The following IFT81 variants were observed in gnomAD, a reference collection of about 807,000 sequenced individuals.
IFT81 encodes intraflagellar transport protein 81 homolog.
In IFT81, 72 loss-of-function variants were observed where a neutral mutation model predicts 102.6. The ratio of observed to expected loss-of-function variants is 0.70; its 90% confidence interval spans 0.58 to 0.85. IFT81 has a LOEUF of 0.85. Among genes scored for constraint, IFT81 ranks in the 40% least tolerant of loss-of-function variants. The pLI is 0.00. For missense variants in IFT81, 723 were observed against 787.3 expected (o/e 0.92, Z 0.98); for synonymous variants, 237 against 242.7 (o/e 0.98, Z 0.22).
intron 11 of IFT81, chr12:110,168,011 C>G (rs1195661946): frequency 5.9e-6 from 1 of 168,650 alleles, no homozygotes; most frequent in Admixed American, 6.4e-5. Flanking sequence ...GCCACCATGC[C>G]CAGCTAATTT....
chr12:110,215,853 G>C (rs184591329), intron 18 of IFT81, among the ~76,000 whole-genome samples: 1 of 151,944 alleles, frequency 6.6e-6, no homozygotes, highest in Non-Finnish European at 1.5e-5. Context: ...GAGTCAATGA[G>C]TAAAACAGTT....
chr12:110,201,375 C>T (rs1172630141), intron 14 of IFT81, among the ~76,000 whole-genome samples: 1 of 150,370 alleles, frequency 6.7e-6, no homozygotes, highest in African/African-American at 2.4e-5. Context: ...GCATTTCAGC[C>T]TGGGCGACAA....
intron 8 of IFT81, among the ~76,000 whole-genome samples, chr12:110,140,899 A>G (rs1490152295): frequency 6.7e-6 from 1 of 149,410 alleles, no homozygotes; most frequent in Non-Finnish European, 1.5e-5. Flanking sequence ...AATTTTGTAT[A>G]TTTTTTTAGT....
chr12:110,166,778 A>G (rs973584071), intron 11 of IFT81, among the ~76,000 whole-genome samples: 1 of 151,182 alleles, frequency 6.6e-6, no homozygotes, highest in African/African-American at 2.4e-5. Flanking sequence ...TTTAGGAATC[A>G]TATTTGACTC....
intron 14 of IFT81, among the ~76,000 whole-genome samples, chr12:110,192,936 A>C (rs1418243581): frequency 6.6e-6 from 1 of 152,152 alleles, no homozygotes; most frequent in Non-Finnish European, 1.5e-5. Flanking sequence ...TTGAGACAGG[A>C]GGATGATCAC....
chr12:110,165,637 T>A (rs1341045649), intron 11 of IFT81, among the ~76,000 whole-genome samples: 1 of 152,224 alleles, frequency 6.6e-6, no homozygotes, highest in African/African-American at 2.4e-5. Flanking sequence ...ACTTTTTTAC[T>A]TCTTGTAAAA....
chr12:110,160,298 A>G (rs1896069596), intron 10 of IFT81, among the ~76,000 whole-genome samples: 1 of 152,196 alleles, frequency 6.6e-6, no homozygotes, highest in South Asian at 2.1e-4. Context: ...GGCTCAGTCC[A>G]AGGCCAAAAG....
intron 13 of IFT81, among the ~76,000 whole-genome samples, chr12:110,191,902 G>A (rs1792353721): frequency 6.6e-6 from 1 of 152,064 alleles, no homozygotes; most frequent in African/African-American, 2.4e-5. Context: ...CAGGCACGGT[G>A]GCTCACACCT....
At chr12:110,181,880 G>A (rs145186473) in intron 12 of IFT81, among the ~76,000 whole-genome samples, 1 of 152,296 alleles carries the variant, frequency 6.6e-6, no homozygotes, top group Non-Finnish European at 1.5e-5. Context: ...GAGGGAAGCA[G>A]ATGAGGCAGC....
At chr12:110,217,201 T>C (rs926761879) in intron 18 of IFT81, among the ~76,000 whole-genome samples, 2 of 152,004 alleles carry the variant, frequency 1.3e-5, no homozygotes, top group African/African-American at 4.8e-5. Context: ...CACGCCACCA[T>C]GCCCTGCTAA....
intron 14 of IFT81, among the ~76,000 whole-genome samples, chr12:110,196,320 A>T (rs527641590): frequency 1.2e-3 from 179 of 152,264 alleles, no homozygotes; most frequent in Middle Eastern, 6.8e-3. Context: ...GGAGTTCGAG[A>T]CTAGCCTGGC....
intron 18 of IFT81, among the ~76,000 whole-genome samples, chr12:110,212,315 C>T (rs974864569): frequency 1.3e-5 from 2 of 150,366 alleles, no homozygotes; most frequent in South Asian, 2.1e-4. Flanking sequence ...GAGGCCAAGG[C>T]AGGCAGATCA....
intron 11 of IFT81, among the ~76,000 whole-genome samples, chr12:110,173,488 C>T (rs1896884451): frequency 6.6e-6 from 1 of 152,182 alleles, no homozygotes; most frequent in African/African-American, 2.4e-5. Context: ...TGAGAACAGG[C>T]CATGATGACA....
In IFT81 at chr12:110,135,020, C is replaced by T; in HGVS notation, c.585+7C>T. On this transcript the variant is annotated splice_region_variant and intron_variant, in intron 6 of 18. Transcript: ENST00000242591. ...TGAACATTTGAAGAAAAGGGTAAGG[C>T]AGAATTAGTACTGTAAGACTTTGGC... 2 of 1,601,352 alleles carry T rather than the reference C, an allele frequency of 1.2e-6. No individual in the cohort carries two copies. Among genetic ancestry groups the T allele is most frequent in the Non-Finnish European group, 1.7e-6 (2 of 1,172,370 alleles).
chr12:110,186,216 T>C (rs1242985109), intron 12 of IFT81, among the ~76,000 whole-genome samples: 2 of 151,910 alleles, frequency 1.3e-5, no homozygotes, highest in Admixed American at 6.6e-5. Context: ...CCATTATTTA[T>C]TTCATAACAT....
At chr12:110,143,675 C>T (rs1384541672) in intron 9 of IFT81, 130 bp downstream of exon 9, 2 of 633,450 alleles carry the variant, frequency 3.2e-6, no homozygotes, top group Non-Finnish European at 5.2e-6. Flanking sequence ...GTTGACAACT[C>T]TTATGAGGAA....
At chr12:110,208,151 G>T (rs954351031) in intron 17 of IFT81, among the ~76,000 whole-genome samples, 3 of 152,052 alleles carry the variant, frequency 2.0e-5, no homozygotes, top group Non-Finnish European at 2.9e-5. Flanking sequence ...TAATGCATGG[G>T]AAATGTTATA....
intron 4 of IFT81, among the ~76,000 whole-genome samples, chr12:110,130,818 A>G (rs56691704): frequency 0.13 from 19,942 of 151,826 alleles, 1,795 homozygotes; most frequent in African/African-American, 0.26. Flanking sequence ...AAAGAGATAT[A>G]CACACACACA....
At chr12:110,202,615 G>A (rs757786216) in intron 14 of IFT81, among the ~76,000 whole-genome samples, 6 of 151,938 alleles carry the variant, frequency 3.9e-5, no homozygotes, top group African/African-American at 1.5e-4. Flanking sequence ...ACCATGCCCA[G>A]CTAATTTTTT....
Sources: gnomAD v4.1 joint callset for allele counts (sites outside exome capture counted in the v4.1 genomes callset) on GRCh38, gnomAD v4.1.1 for gene constraint, MANE v1.5 for transcripts, NCBI Gene and HGNC (gene_info 2026-07-23, HGNC 2026-07-21) for gene names.